The following RXRB variants were observed in gnomAD, a reference collection of about 807,000 sequenced individuals.
RXRB encodes retinoic acid receptor RXR-beta.
RXRB carries 18 observed loss-of-function variants against 52.5 expected under a neutral mutation model. That is an observed-to-expected ratio of 0.34 (90% CI 0.24 to 0.51). RXRB has a LOEUF of 0.51. Ranked by LOEUF, RXRB falls within the 20% of genes least tolerant of loss-of-function variation. The pLI is 0.97. For missense variants in RXRB, 455 were observed against 698.2 expected (o/e 0.65, Z 3.92); for synonymous variants, 233 against 267.1 (o/e 0.87, Z 1.25).
chr6:33,198,913 CAAAAAAA>C (rs9280361), intron 2 of RXRB, among the ~76,000 whole-genome samples: 4 of 74,124 alleles, frequency 5.4e-5, no homozygotes, highest in Non-Finnish European at 1.1e-4. Context: ...GACTCCATCT[CAAAAAAA>C]AAAAAAAAAA....
chr6:33,196,708 G>A lies in RXRB; in HGVS notation c.821-102C>T. ...CCTCATCAGGATCTCATGGCCCTTG[G>A]GAGATATTTATAGGAATTGGGGAAG... On this transcript the variant is annotated intron_variant, in intron 4 of 9. Transcript: ENST00000374680. This position sits in a 1 kb window ranked among gnomAD's most constrained non-coding sequence, Gnocchi z 4.0. The A allele has an allele frequency of 9.3e-7, 1 of 1,073,672 alleles. No homozygotes were observed. Among genetic ancestry groups the A allele is most frequent in the East Asian group, 2.4e-5 (1 of 41,238 alleles). The allele number at this position is 1,073,672 out of a possible 1,614,324, so 66.5% of individuals were successfully genotyped here.
In RXRB at chr6:33,196,382, T is replaced by C. The variant is rs1453335514; in HGVS notation, c.993+52A>G. 6.4e-7 allele frequency: 1 copy of C among 1,555,588 alleles called. No individual in the cohort carries two copies. Among genetic ancestry groups the C allele is most frequent in the Non-Finnish European group, 8.9e-7 (1 of 1,127,786 alleles). ...GAGGGGATGTAGAACAGACCTAGAC[T>C]GCCTCCCCCAACCCCCATCACGAAG... On this transcript the variant is annotated intron_variant, in intron 5 of 9. Coordinates refer to ENST00000374680, the MANE Select transcript of RXRB (RefSeq NM_021976.5). The surrounding 1 kb of genome is among the most constrained non-coding windows in gnomAD (Gnocchi z 4.0).
In RXRB at chr6:33,194,971, T is replaced by C. The variant is rs1773787535; in HGVS notation, c.1428A>G (p.Lys476=). ...GTCCCTGCTGCTCAGGGTACTTCTG[T>C]TTGCAGTAGGTCTCCAGTGATGCAT... ...KVYASLETYC[K]QKYPEQQGRF... is the part of the protein sequence containing the mutation. The change falls in exon 9 of 10, where the codon AAA becomes AAG. Residue 476 remains lysine (K), a synonymous_variant. Coordinates refer to ENST00000374680, the MANE Select transcript of RXRB (RefSeq NM_021976.5). This position sits in a 1 kb window ranked among gnomAD's most constrained non-coding sequence, Gnocchi z 4.1. 6.2e-7 allele frequency: 1 copy of C among 1,612,656 alleles called. No individual in the cohort carries two copies. The highest frequency in any genetic ancestry group is 2.2e-5 in the East Asian group (1 of 44,870).
At position 33,196,417 on chromosome 6, in the gene RXRB, T is replaced by C. The variant is rs761641135; in HGVS notation, c.993+17A>G. ...AACCCCCATCACGAAGGAGAGTGGATTGACCCCAACACTCACGCTGCTGCC... is the reference window on the plus strand; with the variant it reads ...AACCCCCATCACGAAGGAGAGTGGACTGACCCCAACACTCACGCTGCTGCC... On this transcript the variant is annotated intron_variant, in intron 5 of 9. Coordinates refer to ENST00000374680, the MANE Select transcript of RXRB (RefSeq NM_021976.5). The surrounding 1 kb of genome is among the most constrained non-coding windows in gnomAD (Gnocchi z 4.0). The C allele has an allele frequency of 3.1e-6, 5 of 1,611,922 alleles. No homozygotes were observed. The South Asian group carries it at 4.4e-5, about 14-fold the overall frequency.
rs1774411386 is a variant in RXRB, at chr6:33,200,423, C to G, written c.54G>C (p.Gln18His). ...PFLPQRHAAG[Q>H]CGPVGVRKEM... The stretch of plus-strand genomic sequence containing the variant: ...CTTTTCGCACCCCCACCGGCCCACA[C>G]TGCCCTGCGGCATGCCGCTGAGGGA... The change falls in exon 1 of 10, where the codon CAG (glutamine) becomes CAC (histidine). Residue 18 changes from glutamine to histidine, a missense_variant. Gln to His is a conservative substitution (Grantham distance 24). This residue lies in a region of RXRB where 225 missense variants were observed against 258.6 expected (regional missense o/e 0.87). Coordinates refer to ENST00000374680, the MANE Select transcript of RXRB (RefSeq NM_021976.5). This position sits in a 1 kb window ranked among gnomAD's most constrained non-coding sequence, Gnocchi z 6.3. 6.3e-7 allele frequency: 1 copy of G among 1,584,012 alleles called. No homozygotes were observed. The highest frequency in any genetic ancestry group is 8.6e-7 in the Non-Finnish European group (1 of 1,167,060).
In RXRB at chr6:33,200,058, C is replaced by G; in HGVS notation, c.235+184G>C. The G allele has an allele frequency of 1.1e-6, 1 of 918,062 alleles. No homozygotes were observed. Among genetic ancestry groups the G allele is most frequent in the Non-Finnish European group, 1.8e-6 (1 of 558,452 alleles). The allele number at this position is 918,062 out of a possible 1,614,324, so 56.9% of individuals were successfully genotyped here. On this transcript the variant is annotated intron_variant, in intron 1 of 9. Transcript: ENST00000374680. The surrounding 1 kb of genome is among the most constrained non-coding windows in gnomAD (Gnocchi z 6.3). ...CCTCAAGCGGTCACAGCTAGGAGGG[C>G]GGAAGCTCCCCTTCCCCGCCCCGCC...
Position 33,197,920 on chromosome 6 carries a change from C to G in RXRB, c.662G>C (p.Ser221Thr). The change falls in exon 4 of 10, where the codon AGC (serine) becomes ACC (threonine). Residue 221 changes from serine (S) to threonine (T), a missense_variant. This residue lies in a region of RXRB where 15 missense variants were observed against 44.5 expected (regional missense o/e 0.34). Transcript: ENST00000374680. This position sits in a 1 kb window ranked among gnomAD's most constrained non-coding sequence, Gnocchi z 4.4. ...RSSGKHYGVY[S>T]CEGCKGFFKR... ...GAAGAAGCCCTTGCAACCCTCACAG[C>G]TGTAAACCCCGTAGTGTTTGCCTAC... is the stretch of plus-strand genomic sequence containing the variant. 1 of 1,613,304 alleles carries G rather than the reference C, an allele frequency of 6.2e-7. No homozygotes were observed. The highest frequency in any genetic ancestry group is 8.5e-7 in the Non-Finnish European group (1 of 1,179,986).
At position 33,197,752 on chromosome 6, in the gene RXRB, G is replaced by A. The variant is rs376186725; in HGVS notation, c.820+10C>T. ...GTGGTCTAAGACGCCTGGGCAGGGC[G>A]GGTCCTTACCCTCCCTCTTCATGCC... is the stretch of plus-strand genomic sequence containing the variant. On this transcript the variant is annotated intron_variant, in intron 4 of 9. Coordinates refer to ENST00000374680, the MANE Select transcript of RXRB (RefSeq NM_021976.5). This position sits in a 1 kb window ranked among gnomAD's most constrained non-coding sequence, Gnocchi z 4.4. 6.2e-6 allele frequency: 10 copies of A among 1,613,378 alleles called. No individual in the cohort carries two copies. The highest frequency in any genetic ancestry group is 2.7e-5 in the African/African-American group (2 of 74,938).
Position 33,197,827 on chromosome 6 carries a change from C to T in RXRB, c.755G>A (p.Arg252His). 1.2e-6 allele frequency: 2 copies of T among 1,613,904 alleles called. No individual in the cohort carries two copies. Among genetic ancestry groups the T allele is most frequent in the Non-Finnish European group, 1.7e-6 (2 of 1,180,024 alleles). The change falls in exon 4 of 10, where the codon CGC becomes CAC. Residue 252 changes from arginine (R) to histidine (H), a missense_variant. Physicochemically the swap from Arg to His is conservative, Grantham distance 29. Around this residue, in one of 4 missense-constraint regions of RXRB, gnomAD observed 100 missense variants for 141.9 expected, o/e 0.70. Coordinates refer to ENST00000374680, the MANE Select transcript of RXRB (RefSeq NM_021976.5). This position sits in a 1 kb window ranked among gnomAD's most constrained non-coding sequence, Gnocchi z 4.4. ...RDNKDCTVDK[R>H]QRNRCQYCRY... ...GCAGTACTGACAGCGGTTCCGCTGGCGCTTGTCCACTGTGCAGTCTTTGTT... is the reference window on the plus strand; with the variant it reads ...GCAGTACTGACAGCGGTTCCGCTGGTGCTTGTCCACTGTGCAGTCTTTGTT...
In RXRB at chr6:33,197,612, CAG is replaced by C. The variant is rs1333135211; in HGVS notation, c.820+148_820+149del. On this transcript the variant is annotated intron_variant, in intron 4 of 9. Coordinates refer to ENST00000374680, the MANE Select transcript of RXRB (RefSeq NM_021976.5). The surrounding 1 kb of genome is among the most constrained non-coding windows in gnomAD (Gnocchi z 4.4). ...AAACTCAAGGGCCAGAACAGGGTAA[CAG>C]GGAGGAGAGCTGCGAAGGGAGAGAG... 3 of 735,628 alleles carry C rather than the reference CAG, an allele frequency of 4.1e-6. No homozygotes were observed. The highest frequency in any genetic ancestry group is 1.9e-5 in the South Asian group (1 of 53,534). 45.6% of individuals were successfully genotyped at this position (735,628 alleles called of 1,614,324 possible).
At position 33,198,324 on chromosome 6, in the gene RXRB, G is replaced by A. The variant is rs61730281; in HGVS notation, c.624C>T (p.Cys208=). The A allele has an allele frequency of 2.2e-3, 3,491 of 1,613,012 alleles. 81 individuals are homozygous for A. In the South Asian group the frequency reaches 0.033, roughly 15 times the overall value. ...GCCACATACCTGAGCTTCTGTCCCC[G>A]CAGATTGCACATAGCCGTTTGCCAG... ...PGAGKRLCAI[C]GDRSSGKHYG... The change falls in exon 3 of 10, where the codon TGC becomes TGT. Residue 208 remains cysteine, a synonymous_variant. Coordinates refer to ENST00000374680, the MANE Select transcript of RXRB (RefSeq NM_021976.5).
chr6:33,200,806 G>T (rs776688114), upstream of RXRB: 27 of 1,523,402 alleles, frequency 1.8e-5, no homozygotes, highest in Non-Finnish European at 2.1e-5. The surrounding 1 kb of genome is among the most constrained non-coding windows in gnomAD (Gnocchi z 6.3). Context: ...GGATGGATTC[G>T]TCGCTACCGG....
chr6:33,195,600 T>C lies in RXRB; in HGVS notation c.1226A>G (p.His409Arg). 3 of 1,613,046 alleles carry C rather than the reference T, an allele frequency of 1.9e-6. No homozygotes were observed. Among genetic ancestry groups the C allele is most frequent in the Non-Finnish European group, 1.7e-6 (2 of 1,180,026 alleles). Reference sequence around the variant, plus strand: ...AAAGATGGCTCCTACTCCTGCTGAATGGGCTGAGTTGCGGTGCACGTGAAG... The same window carrying C: ...AAAGATGGCTCCTACTCCTGCTGAACGGGCTGAGTTGCGGTGCACGTGAAG... ...TGLHVHRNSA[H>R]SAGVGAIFDR... Residue 409 changes from histidine to arginine, a missense_variant, in exon 7 of 10, where the codon CAT becomes CGT. Around this residue, in one of 4 missense-constraint regions of RXRB, gnomAD observed 115 missense variants for 253.1 expected, o/e 0.45. Coordinates refer to ENST00000374680, the MANE Select transcript of RXRB (RefSeq NM_021976.5). This position sits in a 1 kb window ranked among gnomAD's most constrained non-coding sequence, Gnocchi z 8.6.
chr6:33,199,755 G>A, intron 1 of RXRB: 1 of 433,994 alleles, frequency 2.3e-6, no homozygotes, highest in Non-Finnish European at 4.4e-6. Context: ...ACAAGGAGAG[G>A]AGGATAGTTC....
chr6:33,198,404 G>C lies in RXRB; in HGVS notation c.544C>G (p.Pro182Ala). The C allele has an allele frequency of 1.9e-6, 3 of 1,612,320 alleles. No individual in the cohort carries two copies. Among genetic ancestry groups the C allele is most frequent in the Non-Finnish European group, 2.5e-6 (3 of 1,179,562 alleles). ...GSGPPEDVKP[P>A]VLGVRGLHCP... is the part of the protein sequence containing the mutation. ...TGCAGGCCCCGGACCCCTAAGACTG[G>C]TGGCTTCACATCTTCAGGGGGGCCA... The change falls in exon 3 of 10, where the codon CCA becomes GCA. Residue 182 changes from proline (P) to alanine (A), a missense_variant. Around this residue, in one of 4 missense-constraint regions of RXRB, gnomAD observed 225 missense variants for 258.6 expected, o/e 0.87. Coordinates refer to ENST00000374680, the MANE Select transcript of RXRB (RefSeq NM_021976.5).
rs1246870830 is a variant in RXRB at position 33,200,226 on chromosome 6, C to T, written c.235+16G>A. On this transcript the variant is annotated intron_variant, in intron 1 of 9. Coordinates refer to ENST00000374680, the MANE Select transcript of RXRB (RefSeq NM_021976.5). This position sits in a 1 kb window ranked among gnomAD's most constrained non-coding sequence, Gnocchi z 6.3. ...AGCGGTCACTGGCTCGCCTGCCCTT[C>T]TGCTGGGGCACTCACCCCGCCCGCT... The T allele has an allele frequency of 6.2e-7, 1 of 1,604,340 alleles. No individual in the cohort carries two copies.
In RXRB at chr6:33,197,704, A is replaced by G; in HGVS notation, c.820+58T>C. 6.6e-7 allele frequency: 1 copy of G among 1,526,032 alleles called. No homozygotes were observed. The allele number at this position is 1,526,032 out of a possible 1,614,324, so 94.5% of individuals were successfully genotyped here. A position where few individuals can be genotyped will look rare whatever the true frequency, so the allele number is the denominator to read the frequency against. ...CCCTTCCAGAGAGGTACACAGTCTG[A>G]GTGGGATAAGGGAGAAGGGCATGTG... On this transcript the variant is annotated intron_variant, in intron 4 of 9. Coordinates refer to ENST00000374680, the MANE Select transcript of RXRB (RefSeq NM_021976.5). The surrounding 1 kb of genome is among the most constrained non-coding windows in gnomAD (Gnocchi z 4.4).
chr6:33,197,446 G>C lies in RXRB; in HGVS notation c.820+316C>G, dbSNP rs2150665804. Among the ~76,000 whole-genome samples, 1 of 152,322 alleles carries C rather than the reference G, an allele frequency of 6.6e-6. No individual in the cohort carries two copies. The highest frequency in any genetic ancestry group is 6.5e-5 in the Admixed American group (1 of 15,298). On this transcript the variant is annotated intron_variant, in intron 4 of 9. Transcript: ENST00000374680. The surrounding 1 kb of genome is among the most constrained non-coding windows in gnomAD (Gnocchi z 4.4). ...TAACAGGAGACAGAGACCAGAGAAG[G>C]TCCATGGAATCAGAGGAGGAACCAC...
chr6:33,195,271 G>C lies in RXRB; in HGVS notation c.1348+92C>G. On this transcript the variant is annotated intron_variant, in intron 8 of 9. Coordinates refer to ENST00000374680, the MANE Select transcript of RXRB (RefSeq NM_021976.5). This position sits in a 1 kb window ranked among gnomAD's most constrained non-coding sequence, Gnocchi z 8.6. Reference sequence around the variant, plus strand: ...AGATTTCCAGGTTGAGGGTCTTACTGAGGGGGATAGCTGGGTAACTTAGGA... The same window carrying C: ...AGATTTCCAGGTTGAGGGTCTTACTCAGGGGGATAGCTGGGTAACTTAGGA... 1.1e-6 allele frequency: 1 copy of C among 891,044 alleles called. No individual in the cohort carries two copies. The highest frequency in any genetic ancestry group is 2.4e-5 in the East Asian group (1 of 41,600). The allele number at this position is 891,044 out of a possible 1,614,324, so 55.2% of individuals were successfully genotyped here.
Sources: gnomAD v4.1 joint callset for allele counts (sites outside exome capture counted in the v4.1 genomes callset) on GRCh38, gnomAD v4.1.1 for gene constraint, gnomAD v4.1.1 regional missense constraint, Gnocchi (gnomAD v3.1) non-coding constraint, MANE v1.5 for transcripts, NCBI Gene and HGNC (gene_info 2026-07-23, HGNC 2026-07-21) for gene names.